NMT2: variants seen among roughly 807,000 people sequenced by gnomAD.
NMT2 encodes N-myristoyltransferase 2.
Under a neutral mutation model 65.4 loss-of-function variants are expected in NMT2, and 35 were observed. The ratio of observed to expected loss-of-function variants is 0.54; its 90% CI spans 0.41 to 0.71. NMT2 has a LOEUF of 0.71. Among genes scored for constraint, NMT2 ranks in the 30% least tolerant of loss-of-function variants. The probability of loss-of-function intolerance (pLI) is 0.00; values close to 1 mark genes in which losing one functional copy is unlikely to be tolerated. For synonymous variants in NMT2, 226 were observed against 231.8 expected (o/e 0.98, Z 0.23); for missense variants, 489 against 611.3 (o/e 0.80, Z 2.11).
chr10:15,164,123 C>A (rs1833295565), intron 1 of NMT2, among the ~76,000 whole-genome samples: 1 of 139,422 alleles, frequency 7.2e-6, no homozygotes, highest in Non-Finnish European at 1.5e-5. Flanking sequence ...GCAGAGCTTG[C>A]AGTGAGCCGA....
chr10:15,161,109 A>AAAAC (rs1220389004), intron 1 of NMT2, among the ~76,000 whole-genome samples: 1 of 146,104 alleles, frequency 6.8e-6, no homozygotes, highest in Admixed American at 6.8e-5. Flanking sequence ...AAAAAAAAAA[A>AAAAC]ACACAAAGAA....
At chr10:15,134,928 G>T (rs1327496746) in intron 3 of NMT2, among the ~76,000 whole-genome samples, 1 of 152,156 alleles carries the variant, frequency 6.6e-6, no homozygotes, top group Non-Finnish European at 1.5e-5. Context: ...GGAGGCTGCA[G>T]TGAGCTATGA....
Position 15,109,205 on chromosome 10 carries a change from A to T in NMT2, c.1487T>A (p.Val496Glu). The part of the protein sequence containing the change: ...PGTDSEKVGL[V>E]LQ ...AATAAAAATATCCATCTATTGTAGT[A>T]CTAGTCCAACCTGAAGGGAGGGAAG... The change falls in exon 12 of 12, where the codon GTA becomes GAA. Residue 496 changes from valine to glutamate, a missense_variant. Transcript: ENST00000378165. 6.2e-7 allele frequency: 1 copy of T among 1,605,294 alleles called. No individual in the cohort carries two copies. Among genetic ancestry groups the T allele is most frequent in the Non-Finnish European group, 8.5e-7 (1 of 1,176,662 alleles).
Position 15,108,877 on chromosome 10 carries a change from A to C in NMT2, c.*318T>G. ...TGACTCTGTAACTTCTACTTAGTCC[A>C]TAGAAAAACAGTCCCTTTTCTAAGG... On this transcript the variant is annotated 3_prime_UTR_variant, in exon 12 of 12. Coordinates refer to ENST00000378165, the MANE Select transcript of NMT2 (RefSeq NM_004808.3). The C allele has an allele frequency of 8.9e-7, 1 of 1,122,422 alleles. No homozygotes were observed. The highest frequency in any genetic ancestry group is 2.4e-5 in the South Asian group (1 of 41,512). 69.5% of individuals were successfully genotyped at this position (1,122,422 alleles called of 1,614,324 possible).
chr10:15,128,404 G>A lies in NMT2; in HGVS notation c.945C>T (p.His315=), dbSNP rs779647757. ...TCTGTAAAGTCATATTTCTACTCAA[G>A]TGAGAAAATTTCACTTCTACCAATT... The part of the protein sequence containing the change: ...PRKLVEVKFS[H]LSRNMTLQRT... The change falls in exon 8 of 12, where the codon CAC becomes CAT. Residue 315 remains histidine, a synonymous_variant. Coordinates refer to ENST00000378165, the MANE Select transcript of NMT2 (RefSeq NM_004808.3). 4 of 1,611,060 alleles carry A rather than the reference G, an allele frequency of 2.5e-6. No individual in the cohort carries two copies. Among genetic ancestry groups the A allele is most frequent in the Non-Finnish European group, 2.5e-6 (3 of 1,177,280 alleles).
chr10:15,156,550 T>C (rs552770238), intron 1 of NMT2, among the ~76,000 whole-genome samples: 36 of 152,168 alleles, frequency 2.4e-4, no homozygotes, highest in Admixed American at 5.9e-4. Context: ...TATATATGAA[T>C]ATACCAAGGC....
intron 8 of NMT2, among the ~76,000 whole-genome samples, chr10:15,124,396 G>A (rs1031662680): frequency 6.6e-6 from 1 of 152,218 alleles, no homozygotes; most frequent in Non-Finnish European, 1.5e-5. Context: ...TGTTCTCATG[G>A]CCCCTTCTGT....
intron 1 of NMT2, among the ~76,000 whole-genome samples, chr10:15,143,393 C>G (rs1238478885): frequency 6.6e-6 from 1 of 152,178 alleles, no homozygotes; most frequent in Non-Finnish European, 1.5e-5. Context: ...CCACTAGGAG[C>G]CTGGGACCTC....
At chr10:15,127,571 T>TAAAAAAA (rs1222509538) in intron 8 of NMT2, among the ~76,000 whole-genome samples, 7 of 75,810 alleles carry the variant, frequency 9.2e-5, no homozygotes, top group African/African-American at 2.2e-4. Flanking sequence ...AAAAAAAAAA[T>TAAAAAAA]AAATAAATAA....
chr10:15,145,568 C>G (rs558589431), intron 1 of NMT2, among the ~76,000 whole-genome samples: 1 of 152,058 alleles, frequency 6.6e-6, no homozygotes, highest in African/African-American at 2.4e-5. Context: ...TTAGTAAAGA[C>G]GGGGTTTCGC....
intron 7 of NMT2, among the ~76,000 whole-genome samples, chr10:15,129,347 G>C (rs983195474): frequency 6.6e-6 from 1 of 152,064 alleles, no homozygotes; most frequent in Non-Finnish European, 1.5e-5. Context: ...TGAGGGGTGG[G>C]GAGATAAACT....
rs779421255 is a variant in NMT2, at chr10:15,130,233, G to A, written c.799C>T (p.Arg267Ter). ...RSKRVAPVLI[R>*]EITRRVNLEG... The stretch of plus-strand genomic sequence containing the variant: ...AGGTTCACTCTTCTAGTGATCTCTC[G>A]GATTAGCACTGGGGCTACCCGTTTC... The change falls in exon 7 of 12, where the codon CGA (arginine) becomes TGA (stop). Residue 267 changes from arginine (R) to a stop codon, truncating the protein, a stop_gained. Coordinates refer to ENST00000378165, the MANE Select transcript of NMT2 (RefSeq NM_004808.3). LOFTEE classifies it high-confidence loss of function. The A allele has an allele frequency of 6.2e-7, 1 of 1,608,968 alleles. No homozygotes were observed. Among genetic ancestry groups the A allele is most frequent in the Non-Finnish European group, 8.5e-7 (1 of 1,177,426 alleles).
At chr10:15,134,424 G>A (rs577176933) in intron 3 of NMT2, among the ~76,000 whole-genome samples, 4 of 152,264 alleles carry the variant, frequency 2.6e-5, no homozygotes, top group South Asian at 2.1e-4. Flanking sequence ...CTCAAGGGAC[G>A]GGCCCCTTGG....
chr10:15,129,076 C>T (rs752164854), intron 7 of NMT2, among the ~76,000 whole-genome samples: 26 of 152,146 alleles, frequency 1.7e-4, no homozygotes, highest in Admixed American at 6.6e-4. Flanking sequence ...ACTGATTCTA[C>T]AAAAGGCCAA....
intron 8 of NMT2, among the ~76,000 whole-genome samples, chr10:15,124,682 G>T (rs1288793198): frequency 2.0e-5 from 3 of 152,150 alleles, no homozygotes; most frequent in African/African-American, 7.2e-5. Context: ...TGCTAGCAGT[G>T]GTATCACCCA....
chr10:15,151,745 C>T (rs1415744376), intron 1 of NMT2, among the ~76,000 whole-genome samples: 3 of 152,188 alleles, frequency 2.0e-5, no homozygotes, highest in Non-Finnish European at 4.4e-5. Flanking sequence ...AAAAAGTTGG[C>T]TGGGTGTGGT....
intron 1 of NMT2, among the ~76,000 whole-genome samples, chr10:15,158,080 C>T (rs1833060249): frequency 6.6e-6 from 1 of 152,056 alleles, no homozygotes; most frequent in South Asian, 2.1e-4. Flanking sequence ...TTTGGGAGGC[C>T]AAAGGAGGGC....
rs773532007 is a variant in NMT2 at position 15,109,155 on chromosome 10, C to G, written c.*40G>C. 6.3e-7 allele frequency: 1 copy of G among 1,598,278 alleles called. No individual in the cohort carries two copies. Among genetic ancestry groups the G allele is most frequent in the African/African-American group, 1.4e-5 (1 of 73,974 alleles). On this transcript the variant is annotated 3_prime_UTR_variant, in exon 12 of 12. Transcript: ENST00000378165. ...AGTTCCAGAAATCATTAAATATTAA[C>G]AAATGATGATGTCAGAGTTCTAGAA...
rs529407572 is a variant in NMT2 at position 15,125,960 on chromosome 10, T to A, written c.999+2390A>T. ...GATTACAGGTGTGAGCCACCGCGCC[T>A]GGCCGAAGATTTTATTTCAATTCAC... On this transcript the variant is annotated intron_variant, in intron 8 of 11. Transcript: ENST00000378165. Among the ~76,000 whole-genome samples, 84 of 150,816 alleles carry A rather than the reference T, an allele frequency of 5.6e-4. No homozygotes were observed. The Middle Eastern group carries it at 0.01, about 18-fold the overall frequency.
Sources: gnomAD v4.1 joint callset for allele counts (sites outside exome capture counted in the v4.1 genomes callset) on GRCh38, gnomAD v4.1.1 for gene constraint, MANE v1.5 for transcripts, NCBI Gene and HGNC (gene_info 2026-07-23, HGNC 2026-07-21) for gene names.